PAAF1: variants seen among roughly 807,000 people sequenced by gnomAD.
PAAF1 encodes proteasomal ATPase associated factor 1.
PAAF1 carries 46 observed loss-of-function variants against 52.8 expected under a neutral mutation model. The observed-to-expected ratio is 0.87, with a 90% CI of 0.69 to 1.11. The LOEUF (loss-of-function observed/expected upper bound fraction) is 1.11. Ranked by LOEUF, PAAF1 falls within the 50% of genes most tolerant of loss-of-function variation. The probability of loss-of-function intolerance (pLI) is 0.00; values close to 1 mark genes in which losing one functional copy is unlikely to be tolerated. For synonymous variants in PAAF1, 178 were observed against 172.8 expected, an observed-to-expected ratio of 1.03 and a Z score of -0.24; for missense variants, 424 against 477.4, an observed-to-expected ratio of 0.89 and a Z score of 1.04.
intron 4 of PAAF1, among the ~76,000 whole-genome samples, chr11:73,897,805 C>T (rs1171522593): frequency 1.3e-5 from 2 of 152,144 alleles, no homozygotes; most frequent in Non-Finnish European, 2.9e-5. Flanking sequence ...GCTGCAATCT[C>T]GGCACTTTGG....
intron 4 of PAAF1, among the ~76,000 whole-genome samples, chr11:73,893,738 CAA>C (rs564348245): frequency 0.35 from 25,100 of 71,654 alleles, 2,307 homozygotes; most frequent in South Asian, 0.47. Context: ...ACTCTGTCTC[CAA>C]AAAAAAAAAA....
At chr11:73,921,951 C>G in intron 10 of PAAF1, 2 of 949,280 alleles carry the variant, frequency 2.1e-6, no homozygotes, top group South Asian at 2.6e-5. Flanking sequence ...TCTGGAGTTC[C>G]TTCAGACACT....
At chr11:73,883,644 G>C (rs2135129398) in intron 2 of PAAF1, among the ~76,000 whole-genome samples, 1 of 152,100 alleles carries the variant, frequency 6.6e-6, no homozygotes, top group South Asian at 2.1e-4. Context: ...AGCCTCCTGA[G>C]TAGTTGGGAT....
chr11:73,918,539 C>T (rs146555845), intron 9 of PAAF1, among the ~76,000 whole-genome samples: 8 of 149,692 alleles, frequency 5.3e-5, no homozygotes, highest in Non-Finnish European at 8.9e-5. Flanking sequence ...TGCAGTGGCG[C>T]GATCTCGGCT....
chr11:73,920,851 C>CAAA (rs1267625110), intron 10 of PAAF1, among the ~76,000 whole-genome samples: 1 of 98,654 alleles, frequency 1.0e-5, no homozygotes, highest in Non-Finnish European at 2.1e-5. Context: ...GACTCTGTCT[C>CAAA]AAAAAAAAAA....
intron 9 of PAAF1, among the ~76,000 whole-genome samples, chr11:73,918,686 T>G (rs1950136022): frequency 6.6e-6 from 1 of 152,088 alleles, no homozygotes; most frequent in Non-Finnish European, 1.5e-5. Flanking sequence ...ACTGCTAATA[T>G]TGTTATCTTC....
chr11:73,923,967 A>G (rs180793731), intron 10 of PAAF1, among the ~76,000 whole-genome samples: 2 of 152,032 alleles, frequency 1.3e-5, no homozygotes, highest in East Asian at 3.9e-4. Flanking sequence ...TTTTTTAGAC[A>G]TTCCCTATTA....
At chr11:73,909,044 C>T (rs543084234) in intron 6 of PAAF1, among the ~76,000 whole-genome samples, 1 of 152,284 alleles carries the variant, frequency 6.6e-6, no homozygotes. Context: ...GCCTCGGCCT[C>T]CCAAAGTGCT....
At chr11:73,877,714 C>T (rs1948782889) in intron 1 of PAAF1, among the ~76,000 whole-genome samples, 1 of 152,018 alleles carries the variant, frequency 6.6e-6, no homozygotes, top group African/African-American at 2.4e-5. Flanking sequence ...GGTGAAACTC[C>T]GTCTCTACTA....
At chr11:73,920,370 A>C (rs1001846280) in intron 10 of PAAF1, among the ~76,000 whole-genome samples, 1 of 151,812 alleles carries the variant, frequency 6.6e-6, no homozygotes, top group Non-Finnish European at 1.5e-5. Context: ...CTGTCTCTAC[A>C]AAAAATAAAA....
chr11:73,876,770 GAA>G, upstream of PAAF1: 1 of 374,012 alleles, frequency 2.7e-6, no homozygotes, highest in Non-Finnish European at 4.8e-6. Context: ...ACAGGTGGGA[GAA>G]GAGGGCCCGA....
Position 73,900,262 on chromosome 11 carries a change from T to C in PAAF1, c.382-8T>C. 3.8e-6 allele frequency: 6 copies of C among 1,585,160 alleles called. No homozygotes were observed. Among genetic ancestry groups the C allele is most frequent in the Non-Finnish European group, 5.2e-6 (6 of 1,159,892 alleles). On this transcript the variant is annotated splice_region_variant and splice_polypyrimidine_tract_variant and intron_variant, in intron 5 of 11. Transcript: ENST00000310571. ...GAACTAGCATGGAATTTTCTTTTGTTTTTCCAGAGAGTATTGGAAGGACAT... is the reference window on the plus strand; with the variant it reads ...GAACTAGCATGGAATTTTCTTTTGTCTTTCCAGAGAGTATTGGAAGGACAT...
At chr11:73,925,271 A>G (rs1040884383) in intron 11 of PAAF1, among the ~76,000 whole-genome samples, 2 of 151,934 alleles carry the variant, frequency 1.3e-5, no homozygotes, top group African/African-American at 4.8e-5. Flanking sequence ...AGCCTAGGCA[A>G]TAAGATGAGA....
chr11:73,900,869 C>A (rs1949586752), intron 6 of PAAF1, among the ~76,000 whole-genome samples: 1 of 150,160 alleles, frequency 6.7e-6, no homozygotes, highest in Non-Finnish European at 1.5e-5. Flanking sequence ...GTAGTCCCAG[C>A]TACTTGGGAG....
chr11:73,885,026 AT>A (rs1303106724), intron 2 of PAAF1, among the ~76,000 whole-genome samples: 1 of 150,850 alleles, frequency 6.6e-6, no homozygotes, highest in Non-Finnish European at 1.5e-5. Flanking sequence ...CGCCCGGCTA[AT>A]TTTTTGTATT....
chr11:73,888,897 T>A (rs1257823525), intron 3 of PAAF1: 9 of 445,928 alleles, frequency 2.0e-5, no homozygotes, highest in Non-Finnish European at 3.2e-5. Context: ...GGAATGAGAC[T>A]GCATGTGGAT....
chr11:73,918,484 T>A (rs562950120), intron 9 of PAAF1, among the ~76,000 whole-genome samples: 10 of 149,392 alleles, frequency 6.7e-5, no homozygotes, highest in Admixed American at 2.7e-4. Flanking sequence ...TTTTTTTTTT[T>A]ATTTTTTTTT....
At chr11:73,887,969 C>T (rs745756906) in intron 3 of PAAF1, among the ~76,000 whole-genome samples, 13 of 152,188 alleles carry the variant, frequency 8.5e-5, no homozygotes, top group Admixed American at 2.6e-4. Flanking sequence ...AGGCTGGTCT[C>T]GAACTCCTGA....
At position 73,885,821 on chromosome 11, in the gene PAAF1, G is replaced by A. The variant is rs1357669445; in HGVS notation, c.89-1533G>A. Among the ~76,000 whole-genome samples, 4 of 140,028 alleles carry A rather than the reference G, an allele frequency of 2.9e-5. No individual in the cohort carries two copies. The East Asian group carries it at 6.1e-4, about 21-fold the overall frequency. The allele number at this position is 140,028 out of a possible 152,430, so 91.9% of individuals were successfully genotyped here. A position where few individuals can be genotyped will look rare whatever the true frequency, so the allele number is the denominator to read the frequency against. On this transcript the variant is annotated intron_variant, in intron 2 of 11. Coordinates refer to ENST00000310571, the MANE Select transcript of PAAF1 (RefSeq NM_025155.3). ...CACGCCATTGTACTCCAGCCTGGGC[G>A]ACAAGAGTGAAACTCCATCTCAAAA... is the stretch of plus-strand genomic sequence containing the variant.
Sources: allele counts gnomAD v4.1 joint callset (sites outside exome capture counted in the v4.1 genomes callset), GRCh38; gene constraint gnomAD v4.1.1; transcripts MANE v1.5; gene names NCBI Gene and HGNC (gene_info 2026-07-23, HGNC 2026-07-21).